CEACAM21: variants seen among roughly 807,000 people sequenced by gnomAD.
CEACAM21 encodes the protein CEA cell adhesion molecule 21.
Under a neutral mutation model 33.2 loss-of-function variants are expected in CEACAM21, and 38 were observed. That is an observed-to-expected ratio of 1.14 (90% CI 0.88 to 1.50). CEACAM21 has a LOEUF of 1.50. CEACAM21 is among the 40% of genes most tolerant of loss of function. The probability of loss-of-function intolerance (pLI) is 0.00; values close to 1 mark genes in which losing one functional copy is unlikely to be tolerated. For synonymous variants in CEACAM21, 156 were observed against 143.0 expected, an observed-to-expected ratio of 1.09 and a Z score of -0.65; for missense variants, 385 against 364.6, an observed-to-expected ratio of 1.06 and a Z score of -0.46.
At chr19:41,555,682 G>A (rs961073458) in intron 1 of CEACAM21, among the ~76,000 whole-genome samples, 1 of 149,450 alleles carries the variant, frequency 6.7e-6, no homozygotes, top group Non-Finnish European at 1.5e-5. Context: ...GCACAATGCT[G>A]TAGAAACATG....
chr19:41,571,552 C>G (rs868920767), upstream of CEACAM21, among the ~76,000 whole-genome samples: 5 of 152,200 alleles, frequency 3.3e-5, no homozygotes, highest in Admixed American at 3.3e-4. Context: ...GAAAACATCT[C>G]AGCCATGAAT....
intron 1 of CEACAM21, among the ~76,000 whole-genome samples, chr19:41,553,933 A>G (rs1318516976): frequency 1.2e-4 from 15 of 121,904 alleles, no homozygotes; most frequent in African/African-American, 3.4e-4. Context: ...AATACCCACA[A>G]ATAGTTTCCA....
chr19:41,577,555 A>G lies in CEACAM21; in HGVS notation c.420A>G (p.Val140=), dbSNP rs373107697. The change falls in exon 2 of 7, where the codon GTA becomes GTG. Residue 140 remains valine (V), a synonymous_variant. Transcript: ENST00000401445. ...QIEQASHHLR[V]YESVAQPSIQ... is the part of the protein sequence containing the mutation. ...AACAGGCATCTCACCATCTCCGTGT[A>G]TACGGTGAGTGATTCCTCCGTGCCT... The G allele has an allele frequency of 6.2e-7, 1 of 1,612,992 alleles. No individual in the cohort carries two copies. The highest frequency in any genetic ancestry group is 1.3e-5 in the African/African-American group (1 of 74,888).
intron 2 of CEACAM21, among the ~76,000 whole-genome samples, chr19:41,578,550 G>A (rs1040016035): frequency 5.9e-5 from 9 of 152,202 alleles, no homozygotes; most frequent in Admixed American, 1.3e-4. Context: ...GGCCACCACC[G>A]TGGGGCATCT....
At chr19:41,582,448 G>T (rs576114451) in intron 3 of CEACAM21, among the ~76,000 whole-genome samples, 54 of 152,334 alleles carry the variant, frequency 3.5e-4, no homozygotes, top group African/African-American at 1.2e-3. Context: ...GGGACTCTGT[G>T]TCGGGGTTCC....
exon 2 of CEACAM21, chr19:41,564,959 A>G: frequency 6.6e-6 from 1 of 152,460 alleles, no homozygotes; most frequent in Non-Finnish European, 1.5e-5. Context: ...GCGAAGGGTG[A>G]GGGAGGGACT....
chr19:41,577,781 G>A (rs966436624), intron 2 of CEACAM21, among the ~76,000 whole-genome samples: 2 of 152,220 alleles, frequency 1.3e-5, no homozygotes, highest in Non-Finnish European at 2.9e-5. Flanking sequence ...AAGAAGGATA[G>A]TCTGATGCGG....
intron 2 of CEACAM21, among the ~76,000 whole-genome samples, chr19:41,569,923 C>T (rs181606829): frequency 6.6e-6 from 1 of 152,332 alleles, no homozygotes; most frequent in African/African-American, 2.4e-5. Flanking sequence ...GCCTGACTTG[C>T]AGACACACAG....
At chr19:41,570,547 G>A (rs542374989) in intron 2 of CEACAM21, among the ~76,000 whole-genome samples, 2 of 152,156 alleles carry the variant, frequency 1.3e-5, no homozygotes, top group Non-Finnish European at 2.9e-5. Flanking sequence ...TCAGCAGTGG[G>A]GTCCTGCTGA....
intron 1 of CEACAM21, among the ~76,000 whole-genome samples, chr19:41,560,552 A>G (rs1403038065): frequency 3.3e-5 from 5 of 152,260 alleles, no homozygotes; most frequent in Non-Finnish European, 5.9e-5. Context: ...AAAGGAGAAT[A>G]ACAGGCTAAT....
intron 2 of CEACAM21, among the ~76,000 whole-genome samples, chr19:41,566,988 T>C (rs2042307258): frequency 6.6e-6 from 1 of 152,208 alleles, no homozygotes; most frequent in Non-Finnish European, 1.5e-5. Context: ...CTCTTGTGTC[T>C]TCCTGATTTG....
Position 41,553,209 on chromosome 19 carries a change from G to A in CEACAM21, c.-779+3657G>A, listed in dbSNP as rs1335507081. Among the ~76,000 whole-genome samples, 14 of 151,720 alleles carry A rather than the reference G, an allele frequency of 9.2e-5. 1 individual carries two copies. The highest frequency in any genetic ancestry group is 2.1e-4 in the Non-Finnish European group (14 of 67,870). On this transcript the variant is annotated intron_variant, in intron 1 of 7. Transcript: ENST00000407170. ...ACGATCTTGACTCACTGTAACCTCC[G>A]CTTCCCTGCCTCAGCCCCTTGAGTA...
chr19:41,566,163 G>T (rs771814825), intron 2 of CEACAM21, among the ~76,000 whole-genome samples: 3 of 152,164 alleles, frequency 2.0e-5, no homozygotes, highest in Non-Finnish European at 2.9e-5. Context: ...AAAGACAAAG[G>T]TGGGTTATTT....
chr19:41,580,502 T>C (rs1555793184), intron 3 of CEACAM21, among the ~76,000 whole-genome samples: 1 of 152,190 alleles, frequency 6.6e-6, no homozygotes, highest in East Asian at 1.9e-4. Context: ...TGGCTTCACA[T>C]TGAGGTTTCC....
At chr19:41,584,495 G>T in intron 4 of CEACAM21, 52 bp downstream of exon 4, 3 of 1,461,918 alleles carry the variant, frequency 2.1e-6, no homozygotes. Flanking sequence ...GACCCCAGGC[G>T]AGAAGGAAGG....
chr19:41,560,751 T>C (rs1456613829), intron 1 of CEACAM21, among the ~76,000 whole-genome samples: 3 of 152,160 alleles, frequency 2.0e-5, no homozygotes, highest in African/African-American at 7.2e-5. Flanking sequence ...AAATGATGTC[T>C]CCAGAAAAAG....
intron 1 of CEACAM21, among the ~76,000 whole-genome samples, chr19:41,560,740 C>T (rs2041832366): frequency 6.6e-6 from 1 of 152,162 alleles, no homozygotes; most frequent in Admixed American, 6.5e-5. Context: ...ATGAATTTTT[C>T]AAATGATGTC....
At chr19:41,566,067 G>C (rs561849343) in intron 2 of CEACAM21, among the ~76,000 whole-genome samples, 55 of 152,172 alleles carry the variant, frequency 3.6e-4, no homozygotes, top group Non-Finnish European at 7.8e-4. Flanking sequence ...ATTGTAAACA[G>C]AAAAGCAAAT....
intron 2 of CEACAM21, among the ~76,000 whole-genome samples, chr19:41,569,482 T>G (rs1424976446): frequency 2.0e-5 from 3 of 152,052 alleles, no homozygotes; most frequent in Admixed American, 2.0e-4. Context: ...TGAGAAAGTG[T>G]TGGGATTACA....
Sources: gnomAD v4.1 joint callset for allele counts (sites outside exome capture counted in the v4.1 genomes callset) on GRCh38, gnomAD v4.1.1 for gene constraint, MANE v1.5 for transcripts, NCBI Gene and HGNC (gene_info 2026-07-23, HGNC 2026-07-21) for gene names.